The following GPR139 variants were observed in gnomAD, a reference collection of about 807,000 sequenced individuals.
GPR139 encodes the protein G protein-coupled receptor 139, also known as probable G protein-coupled receptor 139.
Under a neutral mutation model 25.8 loss-of-function variants are expected in GPR139, and 12 were observed. That is an observed-to-expected ratio of 0.47 (90% confidence interval 0.30 to 0.75). GPR139 has a LOEUF of 0.75. Ranked by LOEUF, GPR139 falls within the 30% of genes least tolerant of loss-of-function variation. The pLI, the probability that GPR139 is intolerant of heterozygous loss-of-function variation, is 0.07. For missense variants in GPR139, 380 were observed against 450.2 expected (o/e 0.84, Z 1.41); for synonymous variants, 184 against 179.9 (o/e 1.02, Z -0.18).
intron 1 of GPR139, among the ~76,000 whole-genome samples, chr16:20,059,082 C>T (rs79761300): frequency 0.034 from 5,128 of 152,228 alleles, 125 homozygotes; most frequent in Non-Finnish European, 0.055. Context: ...GCCTCTGAGC[C>T]GCACTCCTAT....
intron 1 of GPR139, among the ~76,000 whole-genome samples, chr16:20,045,678 C>A (rs1027098810): frequency 6.6e-6 from 1 of 152,138 alleles, no homozygotes; most frequent in African/African-American, 2.4e-5. Flanking sequence ...CTCGCCACTC[C>A]CAGCCCCTGG....
intron 1 of GPR139, among the ~76,000 whole-genome samples, chr16:20,036,740 G>A (rs1440202712): frequency 6.6e-6 from 1 of 152,142 alleles, no homozygotes; most frequent in South Asian, 2.1e-4. Flanking sequence ...GATTTGGGTG[G>A]GAACACAGTG....
chr16:20,070,505 A>C (rs1198127566), intron 1 of GPR139, among the ~76,000 whole-genome samples: 1 of 152,190 alleles, frequency 6.6e-6, no homozygotes, highest in African/African-American at 2.4e-5. Context: ...AATTTCTTCG[A>C]TCCTACACCA....
intron 1 of GPR139, among the ~76,000 whole-genome samples, chr16:20,068,236 CAAAAAAAAAAAAA>C (rs10534277): frequency 2.8e-5 from 3 of 109,050 alleles, no homozygotes; most frequent in Non-Finnish European, 3.7e-5. Flanking sequence ...CTATTTAATG[CAAAAAAAAAAAAA>C]AAAAAAAAAG....
rs1491266611 is a variant in GPR139, at chr16:20,030,428, ATG to A, written c.*1305_*1306del. Among the ~76,000 whole-genome samples, 3 of 27,148 alleles carry A rather than the reference ATG, an allele frequency of 1.1e-4. No homozygotes were observed. Among genetic ancestry groups the A allele is most frequent in the Non-Finnish European group, 4.7e-4 (3 of 6,410 alleles). The allele number at this position is 27,148 out of a possible 152,430, so 17.8% of individuals were successfully genotyped here. On this transcript the variant is annotated 3_prime_UTR_variant, in exon 2 of 2. Transcript: ENST00000570682. ...AACACTAAATAAGACGAATATAATC[ATG>A]TGTGTGTGTGTGCTGCACACATAAG...
At chr16:20,032,985 T>G (rs1417622502) in intron 1 of GPR139, among the ~76,000 whole-genome samples, 1 of 150,320 alleles carries the variant, frequency 6.7e-6, no homozygotes, top group African/African-American at 2.5e-5. Flanking sequence ...CACACAACCA[T>G]GAGTGGTGTT....
chr16:20,059,410 C>T (rs551984060), intron 1 of GPR139, among the ~76,000 whole-genome samples: 42 of 152,152 alleles, frequency 2.8e-4, no homozygotes, highest in Admixed American at 5.2e-4. Flanking sequence ...ACTGGTCTTT[C>T]GTGCCAGCTG....
intron 1 of GPR139, among the ~76,000 whole-genome samples, chr16:20,046,850 C>T (rs1377661770): frequency 3.9e-5 from 6 of 152,104 alleles, no homozygotes; most frequent in Non-Finnish European, 5.9e-5. Flanking sequence ...GGGAGAATTT[C>T]TTGAGGCCAG....
At chr16:20,045,729 C>T (rs748461800) in intron 1 of GPR139, among the ~76,000 whole-genome samples, 16 of 152,148 alleles carry the variant, frequency 1.1e-4, no homozygotes, top group Non-Finnish European at 2.1e-4. Flanking sequence ...CTAATCACCT[C>T]CTTGAAATCC....
chr16:20,072,119 G>A (rs1555467362), intron 1 of GPR139, among the ~76,000 whole-genome samples: 1 of 152,176 alleles, frequency 6.6e-6, no homozygotes, highest in Non-Finnish European at 1.5e-5. Context: ...GGTAATTACA[G>A]GACATGTGCT....
In GPR139 at chr16:20,073,464, C is replaced by G; in HGVS notation, c.127+26G>C. 6.2e-7 allele frequency: 1 copy of G among 1,605,444 alleles called. No homozygotes were observed. The highest frequency in any genetic ancestry group is 8.5e-7 in the Non-Finnish European group (1 of 1,176,396). ...GCCCGGCACTTGGGGTTCCTGGCTT[C>G]CCTCCCTCTCCCCCACGCCCCTCAC... is the stretch of plus-strand genomic sequence containing the variant. On this transcript the variant is annotated intron_variant, in intron 1 of 1. Transcript: ENST00000570682. This position sits in a 1 kb window ranked among gnomAD's most constrained non-coding sequence, Gnocchi z 4.7.
At chr16:20,033,475 CAGTTGCATGAAGAATATGGGGCTGA>C (rs2057298992) in intron 1 of GPR139, among the ~76,000 whole-genome samples, 1 of 152,108 alleles carries the variant, frequency 6.6e-6, no homozygotes, top group African/African-American at 2.4e-5. Context: ...TTCTTTTGTT[CAGTTGCATGAAGAATATGGGGCTGA>C]GGTGGCATTT....
At chr16:20,058,770 C>T (rs1386873575) in intron 1 of GPR139, among the ~76,000 whole-genome samples, 2 of 152,170 alleles carry the variant, frequency 1.3e-5, no homozygotes, top group African/African-American at 4.8e-5. Flanking sequence ...TGACCTTTTT[C>T]TTCTAGTTTG....
rs1174121353 is a variant in GPR139 at position 20,030,388 on chromosome 16, AAAG to A, written c.*1344_*1346del. On this transcript the variant is annotated 3_prime_UTR_variant, in exon 2 of 2. Coordinates refer to ENST00000570682, the MANE Select transcript of GPR139 (RefSeq NM_001002911.4). ...GAATCTGAGGGAGAAGTTAAAAAAA[AAAG>A]AAGAAAAAAGAAACACTAAATAAGA... Among the ~76,000 whole-genome samples, 1 of 151,132 alleles carries A rather than the reference AAAG, an allele frequency of 6.6e-6. No individual in the cohort carries two copies. The highest frequency in any genetic ancestry group is 2.4e-5 in the African/African-American group (1 of 41,118).
intron 1 of GPR139, among the ~76,000 whole-genome samples, chr16:20,038,545 T>C (rs1430240100): frequency 6.6e-6 from 1 of 152,168 alleles, no homozygotes; most frequent in Admixed American, 6.5e-5. Context: ...GGTATTCATA[T>C]TTGACATTTC....
At position 20,031,926 on chromosome 16, in the gene GPR139, G is replaced by T; in HGVS notation, c.871C>A (p.Arg291=). 1 of 1,614,196 alleles carries T rather than the reference G, an allele frequency of 6.2e-7. No individual in the cohort carries two copies. Residue 291 remains arginine (R), a synonymous_variant, in exon 2 of 2, where the codon CGG becomes AGG. Transcript: ENST00000570682. ...NFFLYCFISK[R]FRTMAAATLK... is the part of the protein sequence containing the mutation. ...GTGGCGGCTGCCATGGTGCGGAACCGCTTGCTGATGAAGCAGTAGAGGAAG... is the reference window on the plus strand; with the variant it reads ...GTGGCGGCTGCCATGGTGCGGAACCTCTTGCTGATGAAGCAGTAGAGGAAG...
chr16:20,055,338 G>A (rs1567238743), intron 1 of GPR139, among the ~76,000 whole-genome samples: 1 of 152,166 alleles, frequency 6.6e-6, no homozygotes, highest in Admixed American at 6.5e-5. Context: ...CCATAACCAA[G>A]GCAGGCTACA....
intron 1 of GPR139, among the ~76,000 whole-genome samples, chr16:20,038,193 A>G (rs1020126868): frequency 6.6e-6 from 1 of 152,054 alleles, no homozygotes; most frequent in South Asian, 2.1e-4. Context: ...TCCATTAAAC[A>G]ATGCCCACTT....
At chr16:20,034,023 G>A (rs977538425) in intron 1 of GPR139, among the ~76,000 whole-genome samples, 1 of 151,548 alleles carries the variant, frequency 6.6e-6, no homozygotes, top group Admixed American at 6.6e-5. Context: ...AGCATATTTA[G>A]AAAGTCATTA....
Sources: gnomAD v4.1 joint callset for allele counts (sites outside exome capture counted in the v4.1 genomes callset) on GRCh38, gnomAD v4.1.1 for gene constraint, Gnocchi (gnomAD v3.1) non-coding constraint, MANE v1.5 for transcripts, NCBI Gene and HGNC (gene_info 2026-07-23, HGNC 2026-07-21) for gene names.